CNTN5: variants seen among roughly 807,000 people sequenced by gnomAD.
CNTN5 encodes contactin-5.
A neutral mutation model predicts 129.1 loss-of-function variants in CNTN5; 77 were observed. The ratio of observed to expected loss-of-function variants is 0.60; its 90% CI spans 0.50 to 0.72. CNTN5 has a LOEUF of 0.72. Among genes scored for constraint, CNTN5 ranks in the 30% least tolerant of loss-of-function variants. The probability of loss-of-function intolerance (pLI) is 0.00; values close to 1 mark genes in which losing one functional copy is unlikely to be tolerated. For synonymous variants in CNTN5, 509 were observed against 465.6 expected, an observed-to-expected ratio of 1.09 and a Z score of -1.20; for missense variants, 1,478 against 1,328.8, an observed-to-expected ratio of 1.11 and a Z score of -1.75.
chr11:100,357,715 C>T lies in CNTN5; in HGVS notation c.*1495C>T, dbSNP rs551684201. 1 of 151,518 alleles carries T rather than the reference C, an allele frequency of 6.6e-6. No individual in the cohort carries two copies. The highest frequency in any genetic ancestry group is 2.1e-4 in the South Asian group (1 of 4,824). The allele number at this position is 151,518 out of a possible 1,614,324, so 9.4% of individuals were successfully genotyped here. A position where few individuals can be genotyped will look rare whatever the true frequency, so the allele number is the denominator to read the frequency against. On this transcript the variant is annotated 3_prime_UTR_variant, in exon 25 of 25. Coordinates refer to ENST00000524871, the MANE Select transcript of CNTN5 (RefSeq NM_014361.4). ...TTAACTGTATTTGCTTCATTAATAACAAGCAAAATGAAACAATATGGAGCT... is the reference window on the plus strand; with the variant it reads ...TTAACTGTATTTGCTTCATTAATAATAAGCAAAATGAAACAATATGGAGCT...
At chr11:99,792,573 G>GTGTGTGTGTGTCTGTGTCTGTC (rs34622017) in intron 3 of CNTN5, among the ~76,000 whole-genome samples, 2 of 116,686 alleles carry the variant, frequency 1.7e-5, no homozygotes, top group South Asian at 5.8e-4. Flanking sequence ...GTGTGTGTGT[G>GTGTGTGTGTGTCTGTGTCTGTC]TGTCTGTCTG....
rs17133558 is a variant in CNTN5, at chr11:99,446,815, C to T, written c.-70-109330C>T. On this transcript the variant is annotated intron_variant, in intron 2 of 24. Transcript: ENST00000524871. The stretch of plus-strand genomic sequence containing the variant: ...ATAGTCAATACAATTTAGGCTAGTC[C>T]TCCTCATAAGGTTGAATGGACTTCA... Among the ~76,000 whole-genome samples, 1,388 of 152,262 alleles carry T rather than the reference C, an allele frequency of 9.1e-3. 18 individuals carry two copies. Among genetic ancestry groups the T allele is most frequent in the African/African-American group, 0.032 (1,337 of 41,554 alleles).
intron 2 of CNTN5, among the ~76,000 whole-genome samples, chr11:99,440,468 C>G (rs958328400): frequency 1.3e-5 from 2 of 151,922 alleles, no homozygotes; most frequent in African/African-American, 4.8e-5. Flanking sequence ...ATACCTAACA[C>G]AAATAGTCAA....
chr11:99,334,525 A>G (rs1866138238), intron 2 of CNTN5, among the ~76,000 whole-genome samples: 2 of 152,274 alleles, frequency 1.3e-5, no homozygotes, highest in South Asian at 4.1e-4. Context: ...AAAACTTTAC[A>G]TACACACACA....
At chr11:99,928,741 C>G (rs78132761) in intron 7 of CNTN5, among the ~76,000 whole-genome samples, 1 of 152,170 alleles carries the variant, frequency 6.6e-6, no homozygotes. Context: ...ACTTCTCACA[C>G]GCTCTGGAGA....
At chr11:100,161,753 A>T (rs1433128953) in intron 13 of CNTN5, among the ~76,000 whole-genome samples, 1 of 150,970 alleles carries the variant, frequency 6.6e-6, no homozygotes, top group Non-Finnish European at 1.5e-5. Context: ...TAATTTTAGT[A>T]AAAGCAGAGG....
At chr11:100,290,600 A>C (rs2138859461) in intron 18 of CNTN5, among the ~76,000 whole-genome samples, 1 of 141,186 alleles carries the variant, frequency 7.1e-6, no homozygotes, top group South Asian at 2.5e-4. Flanking sequence ...TTATACAAAA[A>C]TCAATTCAAG....
chr11:99,067,106 C>A (rs2135233686), intron 1 of CNTN5, among the ~76,000 whole-genome samples: 1 of 152,272 alleles, frequency 6.6e-6, no homozygotes, highest in East Asian at 1.9e-4. Context: ...TCCTTCTTGG[C>A]ATTTACTTCA....
intron 1 of CNTN5, among the ~76,000 whole-genome samples, chr11:99,036,846 T>A (rs1863759651): frequency 6.6e-6 from 1 of 152,220 alleles, no homozygotes; most frequent in South Asian, 2.1e-4. Flanking sequence ...ACACATTTTT[T>A]ATTTGACCTA....
rs147211198 is a variant in CNTN5 at position 100,003,903 on chromosome 11, G to T, written c.980+1767G>T. On this transcript the variant is annotated intron_variant, in intron 9 of 24. Transcript: ENST00000524871. ...AGAAATGTCACAATTATGGAAAAAA[G>T]AAACATCTTATGAAGATGTCTACCC... 7.2e-5 allele frequency: 11 copies of T among 152,164 alleles called. No individual in the cohort carries two copies. In the East Asian group the frequency reaches 1.2e-3, roughly 16 times the overall value. 9.4% of individuals were successfully genotyped at this position (152,164 alleles called of 1,614,324 possible). A position where few individuals can be genotyped will look rare whatever the true frequency, so the allele number is the denominator to read the frequency against.
intron 17 of CNTN5, among the ~76,000 whole-genome samples, chr11:100,257,143 C>T (rs1184402956): frequency 6.6e-6 from 1 of 152,078 alleles, no homozygotes; most frequent in African/African-American, 2.4e-5. Flanking sequence ...CGGTGGTTTA[C>T]CCTTATAGTG....
chr11:99,030,274 C>A (rs139010898), intron 1 of CNTN5, among the ~76,000 whole-genome samples: 36 of 152,048 alleles, frequency 2.4e-4, no homozygotes, highest in Non-Finnish European at 4.6e-4. Context: ...TAGATGCTTA[C>A]AAAATTTCTT....
intron 3 of CNTN5, among the ~76,000 whole-genome samples, chr11:99,650,140 G>A (rs991852752): frequency 2.6e-5 from 4 of 151,816 alleles, no homozygotes; most frequent in Non-Finnish European, 4.4e-5. Flanking sequence ...TTTTGGTATG[G>A]AACATTATTA....
chr11:100,007,668 T>C (rs11222325), intron 9 of CNTN5, among the ~76,000 whole-genome samples: 10,721 of 152,204 alleles, frequency 0.07, 784 homozygotes, highest in East Asian at 0.31. Context: ...TCAGGGAATG[T>C]TGTGGCTGGT....
At chr11:99,771,070 G>A (rs1396653531) in intron 3 of CNTN5, among the ~76,000 whole-genome samples, 3 of 152,080 alleles carry the variant, frequency 2.0e-5, no homozygotes, top group African/African-American at 7.2e-5. Flanking sequence ...AGTAAATGGT[G>A]TAGAGGAACC....
intron 9 of CNTN5, among the ~76,000 whole-genome samples, chr11:100,038,132 A>G (rs1258191828): frequency 2.0e-5 from 3 of 151,050 alleles, no homozygotes; most frequent in Non-Finnish European, 3.0e-5. Flanking sequence ...TCTACACACT[A>G]CTTTGAATGT....
chr11:99,927,210 T>G (rs1306472439), intron 7 of CNTN5, among the ~76,000 whole-genome samples: 1 of 152,174 alleles, frequency 6.6e-6, no homozygotes, highest in Admixed American at 6.5e-5. Context: ...TGTATCCTAT[T>G]CTATCTTTAT....
At chr11:100,163,624 T>C (rs1429056385) in intron 13 of CNTN5, among the ~76,000 whole-genome samples, 2 of 151,894 alleles carry the variant, frequency 1.3e-5, no homozygotes, top group Non-Finnish European at 2.9e-5. Flanking sequence ...CAATCAGTTG[T>C]CTGACCTACT....
intron 13 of CNTN5, among the ~76,000 whole-genome samples, chr11:100,150,538 A>AGAGTT: frequency 6.8e-6 from 1 of 146,990 alleles, no homozygotes; most frequent in African/African-American, 2.4e-5. Context: ...ATCTATAAAT[A>AGAGTT]TTTCAAAAAC....
Sources: allele counts gnomAD v4.1 joint callset (sites outside exome capture counted in the v4.1 genomes callset), GRCh38; gene constraint gnomAD v4.1.1; transcripts MANE v1.5; gene names NCBI Gene and HGNC (gene_info 2026-07-23, HGNC 2026-07-21).